CARMIL1: variants seen among roughly 807,000 people sequenced by gnomAD.
CARMIL1 encodes F-actin-uncapping protein LRRC16A.
CARMIL1 carries 90 observed loss-of-function variants against 177.1 expected under a neutral mutation model. The ratio of observed to expected loss-of-function variants is 0.51; its 90% confidence interval spans 0.43 to 0.61. The LOEUF (loss-of-function observed/expected upper bound fraction) is 0.61, where lower values mean the gene tolerates loss of function less well. CARMIL1 is among the 20% of genes least tolerant of loss of function. The pLI is 0.00. For missense variants in CARMIL1, 1,380 were observed against 1,667.0 expected (o/e 0.83, Z 3.00); for synonymous variants, 577 against 606.2 (o/e 0.95, Z 0.71).
chr6:25,468,161 A>C (rs1582056312), intron 9 of CARMIL1, among the ~76,000 whole-genome samples: 1 of 152,230 alleles, frequency 6.6e-6, no homozygotes, highest in East Asian at 1.9e-4. Context: ...CTTATGAAGC[A>C]AATTAGCAAT....
intron 31 of CARMIL1, among the ~76,000 whole-genome samples, chr6:25,592,763 C>T (rs1000773452): frequency 2.6e-5 from 4 of 152,158 alleles, no homozygotes; most frequent in African/African-American, 7.2e-5. Flanking sequence ...ATCAAGATTA[C>T]AGGAAACAGC....
intron 5 of CARMIL1, among the ~76,000 whole-genome samples, chr6:25,438,974 G>A (rs1224363290): frequency 6.6e-6 from 1 of 152,064 alleles, no homozygotes; most frequent in Non-Finnish European, 1.5e-5. Context: ...GAGAAAGGTA[G>A]CAGCATTAGG....
intron 8 of CARMIL1, among the ~76,000 whole-genome samples, chr6:25,465,071 CAAAAAAAA>C (rs558022196): frequency 3.2e-5 from 2 of 62,022 alleles, no homozygotes; most frequent in East Asian, 4.8e-4. Flanking sequence ...AGAACTAAAG[CAAAAAAAA>C]AAAAAAAAAA....
At chr6:25,570,985 A>G (rs978226582) in intron 29 of CARMIL1, among the ~76,000 whole-genome samples, 5 of 152,202 alleles carry the variant, frequency 3.3e-5, no homozygotes, top group Non-Finnish European at 7.4e-5. Flanking sequence ...GATTTACACC[A>G]TCTCAGACTT....
intron 13 of CARMIL1, among the ~76,000 whole-genome samples, chr6:25,489,946 G>A (rs1470806742): frequency 6.6e-6 from 1 of 152,192 alleles, no homozygotes; most frequent in East Asian, 1.9e-4. Context: ...AAAAGGAAAG[G>A]CTAAAGATTA....
intron 33 of CARMIL1, among the ~76,000 whole-genome samples, chr6:25,601,538 C>T (rs1390120369): frequency 6.6e-6 from 1 of 152,182 alleles, no homozygotes; most frequent in Non-Finnish European, 1.5e-5. Flanking sequence ...CTAACTTATT[C>T]CCTTTTCAAA....
chr6:25,556,968 C>T, intron 29 of CARMIL1, 118 bp downstream of exon 29: 1 of 1,033,908 alleles, frequency 9.7e-7, no homozygotes, highest in Non-Finnish European at 1.4e-6. Context: ...TGTCCCCACC[C>T]TCAGACAATT....
intron 2 of CARMIL1, among the ~76,000 whole-genome samples, chr6:25,412,837 T>A (rs1179055093): frequency 6.6e-6 from 1 of 152,208 alleles, no homozygotes; most frequent in Non-Finnish European, 1.5e-5. Context: ...ATAGCCTCAC[T>A]GGGGCACATC....
chr6:25,606,821 G>A (rs955183914), intron 35 of CARMIL1, among the ~76,000 whole-genome samples: 10 of 152,176 alleles, frequency 6.6e-5, no homozygotes, highest in South Asian at 2.1e-4. Context: ...CTGTGGCTGC[G>A]CTACAGTGGC....
intron 15 of CARMIL1, among the ~76,000 whole-genome samples, chr6:25,493,219 T>C (rs1489424449): frequency 6.6e-6 from 1 of 152,218 alleles, no homozygotes; most frequent in East Asian, 1.9e-4. Flanking sequence ...CTGTTAAGCT[T>C]ATAGAACAGA....
At position 25,314,009 on chromosome 6, in the gene CARMIL1, A is replaced by C. The variant is rs528176869; in HGVS notation, c.138+29100A>C. On this transcript the variant is annotated intron_variant, in intron 2 of 36. Transcript: ENST00000329474. Reference sequence around the variant, plus strand: ...TTTCTTTGTAGTCAGTCTTTTTCTAATTAAAGTGGGTAAGACATTTGAATA... The same window carrying C: ...TTTCTTTGTAGTCAGTCTTTTTCTACTTAAAGTGGGTAAGACATTTGAATA... 2.6e-4 allele frequency among the ~76,000 whole-genome samples: 40 copies of C among 151,558 alleles called. No homozygotes were observed. In the East Asian group the frequency reaches 6.4e-3, roughly 24 times the overall value.
At chr6:25,546,394 G>T (rs1216627282) in intron 26 of CARMIL1, among the ~76,000 whole-genome samples, 4 of 152,034 alleles carry the variant, frequency 2.6e-5, no homozygotes, top group Non-Finnish European at 5.9e-5. Flanking sequence ...GGTTTCTAGA[G>T]GTAGAGCAAT....
At chr6:25,299,812 T>C (rs1782706904) in intron 2 of CARMIL1, among the ~76,000 whole-genome samples, 1 of 151,972 alleles carries the variant, frequency 6.6e-6, no homozygotes, top group South Asian at 2.1e-4. Context: ...AACCCATCTC[T>C]ACTAAAAATA....
chr6:25,537,778 C>T, intron 24 of CARMIL1, 77 bp from the exon 25 acceptor site: 1 of 1,553,552 alleles, frequency 6.4e-7, no homozygotes, highest in Non-Finnish European at 8.7e-7. Flanking sequence ...TTTTCATACT[C>T]CTTCGTTCTG....
intron 13 of CARMIL1, among the ~76,000 whole-genome samples, chr6:25,490,542 A>G (rs2150993950): frequency 6.6e-6 from 1 of 152,112 alleles, no homozygotes; most frequent in African/African-American, 2.4e-5. Context: ...TACAAAAAAT[A>G]CAAAAATTAG....
chr6:25,459,258 CTTTCTTTCT>C (rs1562167610), intron 8 of CARMIL1, among the ~76,000 whole-genome samples: 8 of 110,002 alleles, frequency 7.3e-5, no homozygotes, highest in Non-Finnish European at 1.3e-4. Context: ...TTCTTTCTTT[CTTTCTTTCT>C]TTTTTTTTTT....
At chr6:25,426,439 T>G in intron 3 of CARMIL1, 62 bp from the exon 4 acceptor site, 1 of 1,247,104 alleles carries the variant, frequency 8.0e-7, no homozygotes, top group East Asian at 2.3e-5. Flanking sequence ...TACCTTAAGT[T>G]ATATGTTTTT....
chr6:25,314,876 TAGC>T (rs1250497988), intron 2 of CARMIL1, among the ~76,000 whole-genome samples: 5 of 152,260 alleles, frequency 3.3e-5, no homozygotes, highest in East Asian at 1.9e-4. Flanking sequence ...GTCAGAAAAA[TAGC>T]AGCAAACTCT....
chr6:25,530,257 G>A (rs537292073), intron 24 of CARMIL1, among the ~76,000 whole-genome samples: 2 of 151,920 alleles, frequency 1.3e-5, no homozygotes, highest in Non-Finnish European at 2.9e-5. Context: ...TGTGGCTCAC[G>A]CCTGCAATCT....
Sources: gnomAD v4.1 joint callset for allele counts (sites outside exome capture counted in the v4.1 genomes callset) on GRCh38, gnomAD v4.1.1 for gene constraint, MANE v1.5 for transcripts, NCBI Gene and HGNC (gene_info 2026-07-23, HGNC 2026-07-21) for gene names.